The following SNURF variants were observed in gnomAD, a reference collection of about 807,000 sequenced individuals.
The protein encoded by SNURF is SNRPN upstream open reading frame, also known as SNURF protein.
A neutral mutation model predicts 11.6 loss-of-function variants in SNURF; 6 were observed. The observed-to-expected ratio is 0.52, with a 90% CI of 0.28 to 1.02. SNURF has a LOEUF of 1.02. Ranked by LOEUF, SNURF falls within the 50% of genes least tolerant of loss-of-function variation. The pLI, the probability that SNURF is intolerant of heterozygous loss-of-function variation, is 0.09. For synonymous variants in SNURF, 29 were observed against 31.6 expected (o/e 0.92, Z 0.27); for missense variants, 84 against 88.4 (o/e 0.95, Z 0.20).
chr15:24,976,767 T>C (rs1433768590), intron 5 of SNURF: 9 of 941,566 alleles, frequency 9.6e-6, no homozygotes, highest in South Asian at 4.4e-5. Flanking sequence ...ACAGAACTAA[T>C]ATGAGATAGG....
intron 3 of SNURF, among the ~76,000 whole-genome samples, chr15:24,975,133 G>A (rs551280899): frequency 1.7e-4 from 26 of 152,296 alleles, no homozygotes; most frequent in Non-Finnish European, 2.9e-4. Flanking sequence ...TCACCTGTAA[G>A]GAGGTGAAAA....
At chr15:24,968,120 C>G in exon 3 of SNURF, 1 of 1,233,734 alleles carries the variant, frequency 8.1e-7, no homozygotes, top group South Asian at 1.2e-5. Context: ...AATAAAGAAT[C>G]ATTAAAGAAT....
intron 3 of SNURF, chr15:24,974,749 G>C: frequency 1.6e-6 from 1 of 609,428 alleles, no homozygotes; most frequent in Admixed American, 2.9e-5. Flanking sequence ...ATTAGAAACA[G>C]GGTTTCACTG....
intron 1 of SNURF, among the ~76,000 whole-genome samples, chr15:24,958,485 A>G (rs1211817642): frequency 1.4e-5 from 1 of 69,890 alleles, no homozygotes; most frequent in African/African-American, 4.4e-5. Context: ...GCTGGCTCAA[A>G]GTTTTTTTTT....
At chr15:24,969,085 C>T (rs1466564492), downstream of SNURF, among the ~76,000 whole-genome samples, 1 of 151,996 alleles carries the variant, frequency 6.6e-6, no homozygotes, top group Non-Finnish European at 1.5e-5. Flanking sequence ...TATCCTTCAA[C>T]TTGAATCAGT....
In SNURF at chr15:24,955,019, G is replaced by T. The variant is rs199920294; in HGVS notation, c.-30G>T. 14 of 1,612,164 alleles carry T rather than the reference G, an allele frequency of 8.7e-6. No individual in the cohort carries two copies. In the African/African-American group the frequency reaches 1.7e-4, roughly 20 times the overall value. On this transcript the variant is annotated 5_prime_UTR_variant, in exon 1 of 3. Coordinates refer to ENST00000577949, the Ensembl canonical transcript of SNURF. Reference sequence around the variant, plus strand: ...GGAGCGGCCGCCGGAGATGCCTGACGCATCTGTCTGAGGAGCGGTCAGTGA... The same window carrying T: ...GGAGCGGCCGCCGGAGATGCCTGACTCATCTGTCTGAGGAGCGGTCAGTGA...
chr15:24,962,707 C>A (rs1246112191), intron 2 of SNURF, among the ~76,000 whole-genome samples: 1 of 152,098 alleles, frequency 6.6e-6, no homozygotes, highest in African/African-American at 2.4e-5. Flanking sequence ...CAGACACACT[C>A]AGACACATAT....
At chr15:24,962,337 G>T in intron 2 of SNURF, 128 bp downstream of exon 2, 1 of 755,424 alleles carries the variant, frequency 1.3e-6, no homozygotes, top group East Asian at 2.7e-5. Flanking sequence ...TACAGAAGAT[G>T]TAGTAAAAAA....
chr15:24,974,032 G>T (rs531152903), intron 3 of SNURF, among the ~76,000 whole-genome samples: 1 of 152,272 alleles, frequency 6.6e-6, no homozygotes, highest in South Asian at 2.1e-4. Context: ...AGGATGGAAA[G>T]AAAAATACTA....
chr15:24,961,204 ATG>A (rs1213752908), intron 1 of SNURF, among the ~76,000 whole-genome samples: 1 of 152,218 alleles, frequency 6.6e-6, no homozygotes, highest in Non-Finnish European at 1.5e-5. Context: ...GAAATCAAAT[ATG>A]TGTGTATGGC....
At chr15:24,964,433 T>C (rs1397927451) in intron 2 of SNURF, among the ~76,000 whole-genome samples, 1 of 152,082 alleles carries the variant, frequency 6.6e-6, no homozygotes, top group Non-Finnish European at 1.5e-5. Context: ...ACTGGGATTA[T>C]AGGTGTGTGC....
At chr15:24,963,624 A>AG (rs2075187436) in intron 2 of SNURF, among the ~76,000 whole-genome samples, 1 of 152,072 alleles carries the variant, frequency 6.6e-6, no homozygotes, top group African/African-American at 2.4e-5. Context: ...CAGGAAAAAA[A>AG]AAAAAAGAAA....
At chr15:24,956,596 G>C (rs1046581711) in intron 1 of SNURF, among the ~76,000 whole-genome samples, 1 of 152,210 alleles carries the variant, frequency 6.6e-6, no homozygotes, top group Admixed American at 6.5e-5. Context: ...GAGACGTGGG[G>C]CAGGGGAGCG....
chr15:24,967,808 GAAAAAAAAA>G, intron 2 of SNURF, 115 bp from the exon 3 acceptor site: 14 of 491,520 alleles, frequency 2.8e-5, no homozygotes, highest in East Asian at 9.1e-5. Flanking sequence ...ACCCTGTCTG[GAAAAAAAAA>G]AAAAAAAAAA....
chr15:24,961,338 G>C (rs1366103953), intron 1 of SNURF, among the ~76,000 whole-genome samples: 1 of 152,146 alleles, frequency 6.6e-6, no homozygotes, highest in African/African-American at 2.4e-5. Flanking sequence ...ATTATTAATA[G>C]CTTTTGGCAT....
chr15:24,956,117 A>C (rs1381341274), intron 1 of SNURF, among the ~76,000 whole-genome samples: 1 of 152,116 alleles, frequency 6.6e-6, no homozygotes, highest in African/African-American at 2.4e-5. Flanking sequence ...CTCGCTTTAG[A>C]GGCTATGGCA....
At chr15:24,965,577 T>C (rs1219233082) in intron 2 of SNURF, among the ~76,000 whole-genome samples, 1 of 152,178 alleles carries the variant, frequency 6.6e-6, no homozygotes, top group Admixed American at 6.6e-5. Context: ...TATTTTAAAT[T>C]TTTTATTCTG....
chr15:24,964,790 G>A (rs886445972), intron 2 of SNURF, among the ~76,000 whole-genome samples: 9 of 152,166 alleles, frequency 5.9e-5, no homozygotes, highest in Non-Finnish European at 1.2e-4. Flanking sequence ...TGTAACCTCA[G>A]TGTGGACTAA....
downstream of SNURF, among the ~76,000 whole-genome samples, chr15:24,973,182 C>G (rs2076651927): frequency 6.6e-6 from 1 of 152,190 alleles, no homozygotes. Flanking sequence ...AGCCACCACA[C>G]CCAGCCTCTT....
Sources: allele counts gnomAD v4.1 joint callset (sites outside exome capture counted in the v4.1 genomes callset), GRCh38; gene constraint gnomAD v4.1.1; transcripts MANE v1.5; gene names NCBI Gene and HGNC (gene_info 2026-07-23, HGNC 2026-07-21).